Variants in MAF observed in about 807,000 individuals in gnomAD.
MAF encodes the protein MAF bZIP transcription factor.
Under a neutral mutation model 22.0 loss-of-function variants are expected in MAF, and 10 were observed. The ratio of observed to expected loss-of-function variants is 0.45; its 90% CI spans 0.28 to 0.77. The LOEUF is 0.77. Ranked by LOEUF, MAF falls within the 30% of genes least tolerant of loss-of-function variation. The probability of loss-of-function intolerance (pLI) is 0.12; values close to 1 mark genes in which losing one functional copy is unlikely to be tolerated. For synonymous variants in MAF, 337 were observed against 255.8 expected (o/e 1.32, Z -3.03); for missense variants, 544 against 548.4 (o/e 0.99, Z 0.08).
At chr16:79,491,981 C>T in the MAF span, among the ~76,000 whole-genome samples, 1 of 152,150 alleles carries the variant, frequency 6.6e-6, no homozygotes, top group South Asian at 2.1e-4. Context: ...ACAATGAGGG[C>T]CTGAGAAGAC....
chr16:79,521,606 A>T, the MAF span, among the ~76,000 whole-genome samples: 5 of 151,924 alleles, frequency 3.3e-5, no homozygotes, highest in Admixed American at 2.0e-4. Flanking sequence ...TAGAAGAAAA[A>T]ATTCTCTCAC....
chr16:79,540,944 T>C, the MAF span, among the ~76,000 whole-genome samples: 1 of 152,116 alleles, frequency 6.6e-6, no homozygotes, highest in African/African-American at 2.4e-5. Context: ...ACTACTACTA[T>C]TGCTATTACC....
At chr16:79,229,262 G>A in the MAF span, 1 of 151,658 alleles carries the variant, frequency 6.6e-6, no homozygotes, top group African/African-American at 2.4e-5. Flanking sequence ...CAACCCCTTG[G>A]AAACGGGTTT....
chr16:79,473,381 G>A, the MAF span, among the ~76,000 whole-genome samples: 8 of 152,172 alleles, frequency 5.3e-5, no homozygotes, highest in African/African-American at 7.2e-5. Context: ...TTCAGGGTCC[G>A]TCCTAGAGGA....
chr16:79,236,070 T>C, the MAF span, among the ~76,000 whole-genome samples: 1 of 152,094 alleles, frequency 6.6e-6, no homozygotes, highest in South Asian at 2.1e-4. Flanking sequence ...CCATAGTCCA[T>C]GCTAGCTGAA....
At chr16:79,477,749 G>C in the MAF span, among the ~76,000 whole-genome samples, 1 of 151,788 alleles carries the variant, frequency 6.6e-6, no homozygotes, top group African/African-American at 2.4e-5. Context: ...TTTTGATATG[G>C]AGTCTCGCTC....
At chr16:79,304,286 C>T in the MAF span, among the ~76,000 whole-genome samples, 5 of 152,174 alleles carry the variant, frequency 3.3e-5, no homozygotes, top group East Asian at 7.7e-4. Context: ...AGGCAAGCAG[C>T]CCCTCCAGTG....
At chr16:79,545,602 AC>A in the MAF span, among the ~76,000 whole-genome samples, 1 of 151,162 alleles carries the variant, frequency 6.6e-6, no homozygotes, top group Non-Finnish European at 1.5e-5. Context: ...TATCACTGCA[AC>A]CCCCACCCCC....
the MAF span, among the ~76,000 whole-genome samples, chr16:79,540,463 C>T: frequency 2.6e-5 from 4 of 152,280 alleles, no homozygotes; most frequent in Admixed American, 6.5e-5. Context: ...AGGGCATCCA[C>T]GCACCAAAAG....
chr16:79,592,586 A>T (rs1913251462), downstream of MAF, among the ~76,000 whole-genome samples: 1 of 152,226 alleles, frequency 6.6e-6, no homozygotes, highest in Non-Finnish European at 1.5e-5. Context: ...TATAACTACT[A>T]CATGGCCTGC....
At chr16:79,595,483 G>A in intron 1 of MAF, 2 of 1,058,968 alleles carry the variant, frequency 1.9e-6, no homozygotes, top group East Asian at 1.0e-4. Flanking sequence ...TCAAAACAGT[G>A]CTGGCTTTGT....
chr16:79,369,968 ATTC>A, the MAF span, among the ~76,000 whole-genome samples: 1 of 152,198 alleles, frequency 6.6e-6, no homozygotes, highest in Non-Finnish European at 1.5e-5. Flanking sequence ...TTCTGTAGCT[ATTC>A]TTTTCTTGGC....
At chr16:79,232,154 C>G in the MAF span, among the ~76,000 whole-genome samples, 12 of 152,022 alleles carry the variant, frequency 7.9e-5, no homozygotes, top group Non-Finnish European at 1.6e-4. Context: ...CATTCCAGTT[C>G]CTAACAGGCC....
intron 1 of MAF, chr16:79,595,572 TTG>T (rs1913469122): frequency 1.9e-6 from 2 of 1,059,568 alleles, no homozygotes; most frequent in Non-Finnish European, 2.3e-6. Context: ...TTTCATGAAT[TTG>T]TGTCATTTAA....
At chr16:79,219,650 C>G in the MAF span, among the ~76,000 whole-genome samples, 2 of 151,746 alleles carry the variant, frequency 1.3e-5, no homozygotes, top group East Asian at 3.9e-4. Flanking sequence ...CGTGGGGTCA[C>G]CACTTCCTGT....
At chr16:79,229,579 G>A in the MAF span, 2 of 152,238 alleles carry the variant, frequency 1.3e-5, no homozygotes, top group Middle Eastern at 3.4e-3. Flanking sequence ...AGCGCGGCGT[G>A]GAGGCCGTTC....
At chr16:79,520,516 C>A in the MAF span, among the ~76,000 whole-genome samples, 14 of 152,192 alleles carry the variant, frequency 9.2e-5, no homozygotes, top group African/African-American at 3.4e-4. Context: ...CATGCGTCCC[C>A]CAGGGTTCTG....
At chr16:79,268,938 T>A in the MAF span, among the ~76,000 whole-genome samples, 4 of 152,328 alleles carry the variant, frequency 2.6e-5, no homozygotes, top group Middle Eastern at 3.4e-3. Flanking sequence ...ATGGGAGTAA[T>A]GATCAGGATC....
chr16:79,332,113 G>A, the MAF span, among the ~76,000 whole-genome samples: 1 of 151,902 alleles, frequency 6.6e-6, no homozygotes, highest in East Asian at 1.9e-4. Context: ...TGTGTAGAAT[G>A]AATTGTCAGA....
Sources: allele counts gnomAD v4.1 joint callset (sites outside exome capture counted in the v4.1 genomes callset), GRCh38; gene constraint gnomAD v4.1.1; transcripts MANE v1.5; gene names NCBI Gene and HGNC (gene_info 2026-07-23, HGNC 2026-07-21).